BBX: variants seen among roughly 807,000 people sequenced by gnomAD.
BBX encodes HMG box transcription factor BBX.
Under a neutral mutation model 100.2 loss-of-function variants are expected in BBX, and 30 were observed. That is an observed-to-expected ratio of 0.30 (90% CI 0.22 to 0.41). The LOEUF (loss-of-function observed/expected upper bound fraction) is 0.41, where lower values mean the gene tolerates loss of function less well. Ranked by LOEUF, BBX falls within the 10% of genes least tolerant of loss-of-function variation. The pLI is 1.00. For missense variants in BBX, 1,023 were observed against 1,129.8 expected (o/e 0.91, Z 1.35); for synonymous variants, 376 against 388.1 (o/e 0.97, Z 0.37).
chr3:107,687,735 T>C (rs999621745), intron 3 of BBX, among the ~76,000 whole-genome samples: 1 of 152,124 alleles, frequency 6.6e-6, no homozygotes, highest in African/African-American at 2.4e-5. Flanking sequence ...AAAAGTGCTC[T>C]ACAAGCAACA....
At chr3:107,777,732 A>T (rs2067441445) in intron 12 of BBX, among the ~76,000 whole-genome samples, 1 of 152,156 alleles carries the variant, frequency 6.6e-6, no homozygotes, top group African/African-American at 2.4e-5. Flanking sequence ...CATTGCATTC[A>T]TTGAAAACTG....
At chr3:107,744,754 A>C in intron 8 of BBX, 44 bp downstream of exon 8, 1 of 1,504,262 alleles carries the variant, frequency 6.6e-7, no homozygotes. Flanking sequence ...GAAATTGTAA[A>C]GTGGGCTTAA....
At chr3:107,774,951 T>A in intron 12 of BBX, 94 bp downstream of exon 12, 1 of 1,420,378 alleles carries the variant, frequency 7.0e-7, no homozygotes, top group South Asian at 1.5e-5. Flanking sequence ...CGCATGCTTG[T>A]TCTTTGACTA....
intron 8 of BBX, among the ~76,000 whole-genome samples, chr3:107,745,570 G>T (rs766001313): frequency 3.0e-4 from 45 of 151,920 alleles, no homozygotes; most frequent in Non-Finnish European, 3.4e-4. Flanking sequence ...CAAGGGATCC[G>T]CTTGTCTCAG....
At chr3:107,777,332 C>G (rs1204424589) in intron 12 of BBX, among the ~76,000 whole-genome samples, 1 of 152,122 alleles carries the variant, frequency 6.6e-6, no homozygotes, top group Non-Finnish European at 1.5e-5. Flanking sequence ...TCATCTGACC[C>G]TCTTATCTCT....
intron 2 of BBX, among the ~76,000 whole-genome samples, chr3:107,611,275 C>T (rs1457314160): frequency 6.6e-6 from 1 of 152,066 alleles, no homozygotes; most frequent in Non-Finnish European, 1.5e-5. Flanking sequence ...TCTTTATGCA[C>T]CACAATTACG....
chr3:107,764,277 C>T (rs927012698), intron 10 of BBX, among the ~76,000 whole-genome samples: 9 of 152,334 alleles, frequency 5.9e-5, no homozygotes, highest in African/African-American at 2.2e-4. Flanking sequence ...CAGGCGTGAG[C>T]CACCACGCCC....
At chr3:107,742,066 T>TC (rs1450403059) in intron 7 of BBX, among the ~76,000 whole-genome samples, 3 of 152,176 alleles carry the variant, frequency 2.0e-5, no homozygotes, top group African/African-American at 7.2e-5. Context: ...ATTTCTGCCT[T>TC]CTTAATAAAT....
intron 10 of BBX, among the ~76,000 whole-genome samples, chr3:107,772,016 C>T (rs1211579799): frequency 2.0e-5 from 3 of 152,038 alleles, no homozygotes; most frequent in East Asian, 1.9e-4. Context: ...AGGAAATGCT[C>T]ATTGGAGCAT....
rs2054736857 is a variant in BBX, at chr3:107,610,156, G to A, written c.-83-35680G>A. Among the ~76,000 whole-genome samples the A allele has an allele frequency of 3.3e-5, 5 of 152,022 alleles. No homozygotes were observed. The South Asian group carries it at 1.0e-3, about 31-fold the overall frequency. ...CCCACTTGTCATTCAAGAAGATATT[G>A]TTTAATTTCCATGTGTTTAAGTTTC... On this transcript the variant is annotated intron_variant, in intron 2 of 17. Transcript: ENST00000325805.
intron 3 of BBX, among the ~76,000 whole-genome samples, chr3:107,660,850 C>T (rs1289267454): frequency 3.3e-5 from 5 of 152,122 alleles, no homozygotes; most frequent in Non-Finnish European, 7.4e-5. Flanking sequence ...AATTTCTACC[C>T]TATGAAGTAC....
chr3:107,691,081 A>T (rs1360752943), intron 3 of BBX, among the ~76,000 whole-genome samples: 3 of 151,476 alleles, frequency 2.0e-5, no homozygotes, highest in Non-Finnish European at 4.4e-5. Flanking sequence ...TAATTATTAA[A>T]TTTTTTGTAG....
intron 17 of BBX, among the ~76,000 whole-genome samples, chr3:107,803,831 C>T (rs1035875655): frequency 3.3e-5 from 5 of 152,200 alleles, no homozygotes; most frequent in Non-Finnish European, 7.3e-5. Flanking sequence ...AGTTGCAGCA[C>T]ATAGTCCTCT....
intron 2 of BBX, chr3:107,638,600 G>A (rs2107756264): frequency 6.6e-6 from 1 of 151,886 alleles, no homozygotes; most frequent in South Asian, 2.1e-4. Context: ...ACTTTTTCTG[G>A]ACAGTACAGT....
intron 7 of BBX, among the ~76,000 whole-genome samples, chr3:107,738,512 AC>A (rs1576578279): frequency 6.6e-6 from 1 of 152,180 alleles, no homozygotes; most frequent in East Asian, 1.9e-4. Flanking sequence ...AGTCTTATTT[AC>A]CTTATAAGTA....
intron 8 of BBX, among the ~76,000 whole-genome samples, chr3:107,745,582 C>T (rs2064511981): frequency 6.6e-6 from 1 of 151,974 alleles, no homozygotes; most frequent in Non-Finnish European, 1.5e-5. Context: ...TTGTCTCAGC[C>T]TCCTGATAGC....
intron 2 of BBX, among the ~76,000 whole-genome samples, chr3:107,632,808 A>G (rs2056626429): frequency 6.6e-6 from 1 of 152,252 alleles, no homozygotes; most frequent in Non-Finnish European, 1.5e-5. Context: ...CAAATTTTAT[A>G]AGATAATGAA....
At chr3:107,529,310 A>G (rs913004948) in intron 2 of BBX, among the ~76,000 whole-genome samples, 1 of 152,164 alleles carries the variant, frequency 6.6e-6, no homozygotes, top group Non-Finnish European at 1.5e-5. Flanking sequence ...ATTGTTTAAC[A>G]TTTCACCACT....
intron 2 of BBX, among the ~76,000 whole-genome samples, chr3:107,561,019 CCTT>C (rs2050455304): frequency 6.6e-6 from 1 of 152,106 alleles, no homozygotes; most frequent in Non-Finnish European, 1.5e-5. Flanking sequence ...GCATCCCTGG[CCTT>C]TTAACTACTA....
Sources: gnomAD v4.1 joint callset for allele counts (sites outside exome capture counted in the v4.1 genomes callset) on GRCh38, gnomAD v4.1.1 for gene constraint, MANE v1.5 for transcripts, NCBI Gene and HGNC (gene_info 2026-07-23, HGNC 2026-07-21) for gene names.